Variants in DLG2 observed in about 807,000 individuals in gnomAD.
DLG2 encodes the protein discs large MAGUK scaffold protein 2.
A neutral mutation model predicts 132.5 loss-of-function variants in DLG2; 45 were observed. The observed-to-expected ratio is 0.34, with a 90% confidence interval of 0.27 to 0.44. DLG2 has a LOEUF of 0.44. Ranked by LOEUF, DLG2 falls within the 20% of genes least tolerant of loss-of-function variation. The pLI, the probability that DLG2 is intolerant of heterozygous loss-of-function variation, is 1.00. For synonymous variants in DLG2, 424 were observed against 419.6 expected (o/e 1.01, Z -0.13); for missense variants, 1,045 against 1,196.9 (o/e 0.87, Z 1.87).
chr11:85,143,508 C>T (rs2076633797), intron 5 of DLG2, among the ~76,000 whole-genome samples: 1 of 151,578 alleles, frequency 6.6e-6, no homozygotes, highest in South Asian at 2.1e-4. Context: ...TAGTTCCTTA[C>T]AATGTATCAT....
chr11:83,829,557 G>T (rs1157147280), intron 17 of DLG2, among the ~76,000 whole-genome samples: 1 of 152,114 alleles, frequency 6.6e-6, no homozygotes, highest in Non-Finnish European at 1.5e-5. Context: ...GCTTGCCCCT[G>T]TATGTCCAGT....
intron 17 of DLG2, chr11:83,790,358 A>C: frequency 1.1e-6 from 1 of 887,500 alleles, no homozygotes; most frequent in Admixed American, 1.9e-5. Flanking sequence ...GTCCCAATCA[A>C]GGAAAGAACC....
At chr11:85,499,554 C>G (rs2153123636) in intron 3 of DLG2, among the ~76,000 whole-genome samples, 1 of 152,222 alleles carries the variant, frequency 6.6e-6, no homozygotes, top group East Asian at 1.9e-4. Flanking sequence ...GAAACTATGC[C>G]AATCAATTGA....
rs769190948 is a variant in DLG2, at chr11:84,169,605, G to A, written c.574-6094C>T. Among the ~76,000 whole-genome samples the A allele has an allele frequency of 7.9e-5, 12 of 152,126 alleles. 1 individual carries two copies. The highest frequency in any genetic ancestry group is 1.6e-4 in the Non-Finnish European group (11 of 68,012). On this transcript the variant is annotated intron_variant, in intron 8 of 27. Transcript: ENST00000376104. ...AATATTATTTTGGCCATGCGTGGTG[G>A]CTCACCCCTATAATCTCAGCACTTT...
chr11:85,465,211 T>C (rs978641639), intron 3 of DLG2, among the ~76,000 whole-genome samples: 1 of 145,490 alleles, frequency 6.9e-6, no homozygotes, highest in African/African-American at 2.5e-5. Context: ...GGCACAATCA[T>C]AGCTCACTGG....
intron 9 of DLG2, among the ~76,000 whole-genome samples, chr11:84,148,263 G>C (rs1054944724): frequency 1.3e-5 from 2 of 152,046 alleles, no homozygotes; most frequent in African/African-American, 4.8e-5. Context: ...GTGCAGGTTT[G>C]TTATAAAGGC....
chr11:83,908,516 A>G (rs2075448258), intron 15 of DLG2, among the ~76,000 whole-genome samples: 1 of 151,926 alleles, frequency 6.6e-6, no homozygotes, highest in Admixed American at 6.6e-5. Context: ...ACACATACAC[A>G]CCTACAAAAA....
At chr11:84,416,968 G>A (rs1257083803) in intron 7 of DLG2, among the ~76,000 whole-genome samples, 2 of 152,164 alleles carry the variant, frequency 1.3e-5, no homozygotes, top group African/African-American at 4.8e-5. Context: ...ATTGAAATAT[G>A]AATTTGGATT....
At chr11:85,305,350 C>T (rs1483997658) in intron 3 of DLG2, among the ~76,000 whole-genome samples, 1 of 152,154 alleles carries the variant, frequency 6.6e-6, no homozygotes, top group Non-Finnish European at 1.5e-5. Context: ...CACCTCTGTT[C>T]TCTTTACCAT....
At chr11:84,225,344 G>C (rs967669477) in intron 8 of DLG2, among the ~76,000 whole-genome samples, 3 of 152,164 alleles carry the variant, frequency 2.0e-5, no homozygotes, top group African/African-American at 7.2e-5. Context: ...AGATTATTCA[G>C]CTTCATTTGA....
At chr11:84,635,419 A>G (rs1319897803) in intron 6 of DLG2, among the ~76,000 whole-genome samples, 1 of 152,198 alleles carries the variant, frequency 6.6e-6, no homozygotes, top group African/African-American at 2.4e-5. Flanking sequence ...AAGGAACGTG[A>G]AAAATATACA....
intron 6 of DLG2, among the ~76,000 whole-genome samples, chr11:84,855,390 TA>T (rs2082648410): frequency 6.6e-6 from 1 of 152,026 alleles, no homozygotes; most frequent in African/African-American, 2.4e-5. Context: ...GAACAACAGC[TA>T]AAAAATGAAA....
At chr11:84,581,778 G>A (rs1460315475) in intron 6 of DLG2, among the ~76,000 whole-genome samples, 8 of 152,086 alleles carry the variant, frequency 5.3e-5, no homozygotes, top group Non-Finnish European at 1.0e-4. Flanking sequence ...ATGGTGGCAT[G>A]TGCCTGTACT....
chr11:85,218,926 C>T (rs1302101753), intron 4 of DLG2, among the ~76,000 whole-genome samples: 1 of 152,126 alleles, frequency 6.6e-6, no homozygotes, highest in Non-Finnish European at 1.5e-5. Context: ...AACGTGGATG[C>T]ATTTGGAGGC....
intron 6 of DLG2, among the ~76,000 whole-genome samples, chr11:84,571,804 A>T (rs2099485770): frequency 6.6e-6 from 1 of 152,168 alleles, no homozygotes; most frequent in Non-Finnish European, 1.5e-5. Flanking sequence ...TAGGGAACAG[A>T]TAGAAAACAA....
At chr11:85,600,231 A>C (rs592460) in intron 2 of DLG2, among the ~76,000 whole-genome samples, 61,443 of 152,020 alleles carry the variant, frequency 0.4, 12,607 homozygotes, top group South Asian at 0.52. Flanking sequence ...GCACTGGAAT[A>C]TATCCTCTCT....
intron 6 of DLG2, among the ~76,000 whole-genome samples, chr11:84,857,013 G>A (rs2082879729): frequency 6.6e-6 from 1 of 151,478 alleles, no homozygotes; most frequent in Non-Finnish European, 1.5e-5. Flanking sequence ...AAATTCAAAG[G>A]CTGCAAGAAG....
chr11:85,000,834 G>A (rs571145962), intron 6 of DLG2, among the ~76,000 whole-genome samples: 83 of 152,124 alleles, frequency 5.5e-4, no homozygotes, highest in Admixed American at 4.4e-3. Context: ...TAAATTACAC[G>A]TGCAATTTTA....
At chr11:85,012,853 C>T (rs186030893) in intron 6 of DLG2, among the ~76,000 whole-genome samples, 1 of 152,110 alleles carries the variant, frequency 6.6e-6, no homozygotes, top group East Asian at 1.9e-4. Flanking sequence ...AATTCCAGCA[C>T]TGACACTTAG....
Sources: allele counts gnomAD v4.1 joint callset (sites outside exome capture counted in the v4.1 genomes callset), GRCh38; gene constraint gnomAD v4.1.1; transcripts MANE v1.5; gene names NCBI Gene and HGNC (gene_info 2026-07-23, HGNC 2026-07-21).